The following BPIFB3 variants were observed in gnomAD, a reference collection of about 807,000 sequenced individuals.
BPIFB3 encodes BPI fold-containing family B member 3.
In BPIFB3, 49 loss-of-function variants were observed where a neutral mutation model predicts 53.1. That is an observed-to-expected ratio of 0.92 (90% CI 0.73 to 1.17). The LOEUF (loss-of-function observed/expected upper bound fraction) is 1.17, where lower values mean the gene tolerates loss of function less well. Among genes scored for constraint, BPIFB3 ranks in the 50% most tolerant of loss-of-function variants. The pLI, the probability that BPIFB3 is intolerant of heterozygous loss-of-function variation, is 0.00. For missense variants in BPIFB3, 628 were observed against 592.5 expected (o/e 1.06, Z -0.62); for synonymous variants, 271 against 269.6 (o/e 1.01, Z -0.05).
chr20:33,072,872 A>G (rs1980966675), intron 14 of BPIFB3, 79 bp downstream of exon 15: 2 of 1,210,146 alleles, frequency 1.7e-6, no homozygotes, highest in Admixed American at 1.8e-5. Context: ...TAATGAGGGG[A>G]ATGCTTTGCT....
chr20:33,060,065 C>A (rs759388824), intron 4 of BPIFB3, 34 bp downstream of exon 5: 1 of 1,607,888 alleles, frequency 6.2e-7, no homozygotes, highest in East Asian at 2.2e-5. Context: ...CAACCCTGAC[C>A]CGCTCAGGAT....
intron 3 of BPIFB3, 58 bp from the exon 5 acceptor site, chr20:33,059,833 G>GT (rs1980368869): frequency 1.3e-6 from 2 of 1,584,578 alleles, no homozygotes; most frequent in East Asian, 2.3e-5. Context: ...ACCCTGGTGG[G>GT]CGGGGCCAAG....
chr20:33,055,610 C>T, intron 1 of BPIFB3, 63 bp downstream of exon 2: 4 of 1,603,678 alleles, frequency 2.5e-6, no homozygotes, highest in Non-Finnish European at 3.4e-6. Context: ...AATCTATATG[C>T]TTAGAGCATC....
chr20:33,073,641 A>C, downstream of BPIFB3: 1 of 1,611,872 alleles, frequency 6.2e-7, no homozygotes, highest in Non-Finnish European at 8.5e-7. Context: ...CCTGTTGACT[A>C]CTAGAGACCA....
At chr20:33,063,783 C>T in intron 6 of BPIFB3, 108 bp downstream of exon 7, 1 of 1,118,582 alleles carries the variant, frequency 8.9e-7, no homozygotes, top group Non-Finnish European at 1.3e-6. Flanking sequence ...TCTCAGGGTC[C>T]TTTAGTTCCT....
At chr20:33,073,690 C>A, downstream of BPIFB3, 2 of 1,517,210 alleles carry the variant, frequency 1.3e-6, no homozygotes, top group South Asian at 2.3e-5. Context: ...CAGTCTCTAG[C>A]TGATGTTGGT....
intron 3 of BPIFB3, 96 bp from the exon 5 acceptor site, chr20:33,059,795 G>A: frequency 6.7e-7 from 1 of 1,492,274 alleles, no homozygotes. Flanking sequence ...TGAGAAGGGG[G>A]CACAGAGCCT....
At chr20:33,070,047 C>G (rs1980821599) in intron 11 of BPIFB3, 92 bp downstream of exon 12, 4 of 1,423,700 alleles carry the variant, frequency 2.8e-6, no homozygotes, top group East Asian at 4.6e-5. Flanking sequence ...TCTTGAGCAT[C>G]AGCGCAATTC....
At chr20:33,064,419 GC>G in intron 6 of BPIFB3, 37 bp from the exon 8 acceptor site, 1 of 1,529,096 alleles carries the variant, frequency 6.5e-7, no homozygotes, top group African/African-American at 1.4e-5. Flanking sequence ...TGGGAACTGG[GC>G]TTATAGGGTC....
Position 33,055,560 on chromosome 20 carries a change from T to G in BPIFB3, c.124+13T>G, listed in dbSNP as rs1600534288. ...GAACTCGGCAAAGGTGAGCCCCAGG[T>G]GGGCAGTCTGTGAGGGGGCTGCTGC... On this transcript the variant is annotated intron_variant, in intron 1 of 14. Coordinates refer to ENST00000375494, the Ensembl canonical transcript of BPIFB3. 1.2e-6 allele frequency: 2 copies of G among 1,613,224 alleles called. No individual in the cohort carries two copies. The highest frequency in any genetic ancestry group is 2.7e-5 in the African/African-American group (2 of 74,900).
At chr20:33,068,662 G>T in intron 9 of BPIFB3, 141 bp from the exon 11 acceptor site, 1 of 856,652 alleles carries the variant, frequency 1.2e-6, no homozygotes, top group Non-Finnish European at 1.8e-6. Flanking sequence ...TGGGGGCTGA[G>T]CCCAGGCCTG....
intron 10 of BPIFB3, 134 bp downstream of exon 11, chr20:33,069,107 C>G: frequency 2.1e-6 from 2 of 968,802 alleles, no homozygotes; most frequent in Non-Finnish European, 3.0e-6. Flanking sequence ...GGAAGCCCCC[C>G]GCCCCACAAC....
chr20:33,065,578 AAAAGAAGGAAGGAAGGAAGG>A (rs1303232670), intron 8 of BPIFB3, among the ~76,000 whole-genome samples: 3 of 149,952 alleles, frequency 2.0e-5, no homozygotes, highest in African/African-American at 7.5e-5. Flanking sequence ...AAAGAGAGAG[AAAAGAAGGAAGGAAGGAAGG>A]AAAGAAGGAA....
chr20:33,065,713 GCC>G (rs1890331999), intron 8 of BPIFB3, among the ~76,000 whole-genome samples: 1 of 152,104 alleles, frequency 6.6e-6, no homozygotes, highest in East Asian at 1.9e-4. Context: ...GTCCATTCTG[GCC>G]CCTCTGACAT....
At chr20:33,069,830 C>G in intron 10 of BPIFB3, 58 bp from the exon 12 acceptor site, 2 of 1,561,274 alleles carry the variant, frequency 1.3e-6, no homozygotes, top group Admixed American at 3.3e-5. Context: ...GGAGGCAGAC[C>G]CGTCCTCAAG....
chr20:33,059,856 C>T (rs757197787), intron 3 of BPIFB3, 35 bp from the exon 5 acceptor site: 1 of 1,606,386 alleles, frequency 6.2e-7, no homozygotes, highest in Non-Finnish European at 8.5e-7. Flanking sequence ...TGGGAGCTGG[C>T]TGCCTGGCCA....
intron 2 of BPIFB3, among the ~76,000 whole-genome samples, chr20:33,058,722 C>T (rs6141871): frequency 0.29 from 44,383 of 151,760 alleles, 7,854 homozygotes; most frequent in East Asian, 0.77. Context: ...ATCCCATGGG[C>T]TCAGGGCAGT....
chr20:33,071,075 C>A (rs1980863965), intron 11 of BPIFB3, among the ~76,000 whole-genome samples, 178 bp from the exon 13 acceptor site: 1 of 151,978 alleles, frequency 6.6e-6, no homozygotes. Context: ...GGTTAGGTCC[C>A]TTTGGGTCCA....
chr20:33,061,886 C>T, intron 5 of BPIFB3, 55 bp downstream of exon 6: 1 of 1,595,994 alleles, frequency 6.3e-7, no homozygotes, highest in Non-Finnish European at 8.6e-7. Flanking sequence ...GGCCTCTTTC[C>T]CCCTCTGGTT....
Sources: gnomAD v4.1 joint callset for allele counts (sites outside exome capture counted in the v4.1 genomes callset) on GRCh38, gnomAD v4.1.1 for gene constraint, MANE v1.5 for transcripts, NCBI Gene and HGNC (gene_info 2026-07-23, HGNC 2026-07-21) for gene names.